ZDHHC14: variants seen among roughly 807,000 people sequenced by gnomAD.
ZDHHC14 encodes the protein palmitoyltransferase ZDHHC14.
ZDHHC14 carries 16 observed loss-of-function variants against 47.7 expected under a neutral mutation model. The ratio of observed to expected loss-of-function variants is 0.34; its 90% CI spans 0.23 to 0.51. The LOEUF (loss-of-function observed/expected upper bound fraction) is 0.51, where lower values mean the gene tolerates loss of function less well. Ranked by LOEUF, ZDHHC14 falls within the 20% of genes least tolerant of loss-of-function variation. The pLI is 0.97. For missense variants in ZDHHC14, 515 were observed against 662.5 expected, an observed-to-expected ratio of 0.78 and a Z score of 2.44; for synonymous variants, 293 against 278.9, an observed-to-expected ratio of 1.05 and a Z score of -0.50.
chr6:157,605,381 A>G (rs1784498625), intron 3 of ZDHHC14, among the ~76,000 whole-genome samples: 4 of 152,354 alleles, frequency 2.6e-5, no homozygotes, highest in African/African-American at 7.2e-5. Context: ...TAAATAAGTG[A>G]AATGAATACT....
intron 1 of ZDHHC14, among the ~76,000 whole-genome samples, chr6:157,531,766 G>A (rs1021146337): frequency 6.6e-6 from 1 of 152,214 alleles, no homozygotes; most frequent in Non-Finnish European, 1.5e-5. Flanking sequence ...CTGCATCCAC[G>A]GTACTCGTAG....
At chr6:157,421,760 A>G (rs1488163693) in intron 1 of ZDHHC14, among the ~76,000 whole-genome samples, 2 of 152,026 alleles carry the variant, frequency 1.3e-5, no homozygotes, top group East Asian at 3.9e-4. Flanking sequence ...GCCACCCACC[A>G]TGACGCCCGG....
chr6:157,558,242 C>T (rs1019938861), intron 2 of ZDHHC14, among the ~76,000 whole-genome samples: 1 of 152,160 alleles, frequency 6.6e-6, no homozygotes, highest in Non-Finnish European at 1.5e-5. Context: ...ACTCCTCAAC[C>T]GACATGCTGC....
chr6:157,598,062 C>G (rs1207766811), intron 3 of ZDHHC14, among the ~76,000 whole-genome samples: 1 of 152,228 alleles, frequency 6.6e-6, no homozygotes, highest in African/African-American at 2.4e-5. Flanking sequence ...GTGTCTGCCC[C>G]TTGTTGCTCT....
At chr6:157,653,898 C>T (rs1777960766) in intron 8 of ZDHHC14, among the ~76,000 whole-genome samples, 1 of 152,170 alleles carries the variant, frequency 6.6e-6, no homozygotes. Context: ...CAGCTTGAGG[C>T]ACGTGGATGG....
intron 4 of ZDHHC14, chr6:157,631,139 TGTC>T (rs1352402924): frequency 1.3e-5 from 2 of 151,924 alleles, no homozygotes; most frequent in Non-Finnish European, 2.9e-5. Context: ...ACTCACATGC[TGTC>T]GTGCTCGCTC....
At chr6:157,652,102 C>T (rs1429042492) in intron 7 of ZDHHC14, among the ~76,000 whole-genome samples, 1 of 152,190 alleles carries the variant, frequency 6.6e-6, no homozygotes, top group African/African-American at 2.4e-5. Flanking sequence ...AGGTCAGGCA[C>T]TTTTCTTTGA....
intron 1 of ZDHHC14, among the ~76,000 whole-genome samples, chr6:157,508,306 TG>T (rs1269152899): frequency 6.6e-6 from 1 of 152,216 alleles, no homozygotes; most frequent in Non-Finnish European, 1.5e-5. Context: ...TATTATTTTT[TG>T]TCTGTTCTCT....
At chr6:157,398,352 A>T (rs1375267777) in intron 1 of ZDHHC14, among the ~76,000 whole-genome samples, 1 of 152,162 alleles carries the variant, frequency 6.6e-6, no homozygotes. Flanking sequence ...TCATGTCAGG[A>T]TGGAGGGGCA....
At chr6:157,642,467 T>G (rs1777301304) in intron 5 of ZDHHC14, among the ~76,000 whole-genome samples, 1 of 151,540 alleles carries the variant, frequency 6.6e-6, no homozygotes, top group Non-Finnish European at 1.5e-5. Flanking sequence ...CTTGTCAGAG[T>G]TTTTCAATTC....
intron 1 of ZDHHC14, among the ~76,000 whole-genome samples, chr6:157,513,135 A>C (rs1052042701): frequency 6.6e-6 from 1 of 152,250 alleles, no homozygotes; most frequent in Non-Finnish European, 1.5e-5. Context: ...TCTTTAGCCC[A>C]GGACACCAGG....
chr6:157,521,038 G>A (rs200260285), intron 1 of ZDHHC14, among the ~76,000 whole-genome samples: 2 of 152,312 alleles, frequency 1.3e-5, no homozygotes, highest in East Asian at 3.9e-4. Flanking sequence ...CACATAAAAT[G>A]TAACTGCCCT....
At position 157,416,956 on chromosome 6, in the gene ZDHHC14, C is replaced by T. The variant is rs559992084; in HGVS notation, c.245+34690C>T. Among the ~76,000 whole-genome samples the T allele has an allele frequency of 8.2e-5, 12 of 146,736 alleles. No individual in the cohort carries two copies. The South Asian group carries it at 2.6e-3, about 32-fold the overall frequency. ...AAGTAGTTGGGATTACAGGTGCCCG[C>T]CACCATGCCTGGCTAGTTTTTTTTT... On this transcript the variant is annotated intron_variant, in intron 1 of 8. Coordinates refer to ENST00000359775, the MANE Select transcript of ZDHHC14 (RefSeq NM_024630.3).
chr6:157,542,983 A>G (rs1300782561), intron 2 of ZDHHC14, among the ~76,000 whole-genome samples: 1 of 152,210 alleles, frequency 6.6e-6, no homozygotes, highest in African/African-American at 2.4e-5. Context: ...GCAAAGCATC[A>G]GTGTGAGCTG....
chr6:157,473,997 T>A lies in ZDHHC14; in HGVS notation c.246-68588T>A, dbSNP rs1259065066. On this transcript the variant is annotated intron_variant, in intron 1 of 8. Transcript: ENST00000359775. Reference sequence around the variant, plus strand: ...TACCATATTTTCTTTTCTTTTTTTTTTTTTTTTTTGAGACGGAGTCTCGCT... The same window carrying A: ...TACCATATTTTCTTTTCTTTTTTTTATTTTTTTTTGAGACGGAGTCTCGCT... 6.0e-5 allele frequency among the ~76,000 whole-genome samples: 9 copies of A among 150,346 alleles called. No homozygotes were observed. In the East Asian group the frequency reaches 1.7e-3, roughly 29 times the overall value.
chr6:157,464,834 T>TCTCGTACG (rs1257376835), intron 1 of ZDHHC14, among the ~76,000 whole-genome samples: 2 of 152,326 alleles, frequency 1.3e-5, no homozygotes, highest in East Asian at 3.9e-4. Flanking sequence ...CCGTCCGCCC[T>TCTCGTACG]TGGCTGCCTC....
At chr6:157,382,360 T>C in intron 1 of ZDHHC14, 94 bp downstream of exon 1, 1 of 1,432,084 alleles carries the variant, frequency 7.0e-7, no homozygotes, top group Non-Finnish European at 9.5e-7. Context: ...CTAGAAGTCT[T>C]ATCTACTGTA....
chr6:157,623,784 G>A (rs1442756952), intron 3 of ZDHHC14, among the ~76,000 whole-genome samples: 5 of 152,180 alleles, frequency 3.3e-5, no homozygotes, highest in Middle Eastern at 6.8e-3. Context: ...TCCTGACCTC[G>A]TGATCTGCCC....
intron 1 of ZDHHC14, among the ~76,000 whole-genome samples, chr6:157,513,554 A>G (rs993284521): frequency 2.0e-4 from 30 of 152,122 alleles, no homozygotes; most frequent in African/African-American, 5.6e-4. Flanking sequence ...ACACAGACTC[A>G]TGGCTGTTTT....
Sources: gnomAD v4.1 joint callset for allele counts (sites outside exome capture counted in the v4.1 genomes callset) on GRCh38, gnomAD v4.1.1 for gene constraint, MANE v1.5 for transcripts, NCBI Gene and HGNC (gene_info 2026-07-23, HGNC 2026-07-21) for gene names.